Variants in CFAP92 observed in about 807,000 individuals in gnomAD.
CFAP92 encodes the protein uncharacterized protein CFAP92.
A neutral mutation model predicts 106.3 loss-of-function variants in CFAP92; 86 were observed. That is an observed-to-expected ratio of 0.81 (90% CI 0.68 to 0.97). The LOEUF (loss-of-function observed/expected upper bound fraction) is 0.97. Ranked by LOEUF, CFAP92 falls within the 50% of genes least tolerant of loss-of-function variation. The pLI, the probability that CFAP92 is intolerant of heterozygous loss-of-function variation, is 0.00. For missense variants in CFAP92, 1,204 were observed against 1,283.8 expected (o/e 0.94, Z 0.95); for synonymous variants, 477 against 506.4 (o/e 0.94, Z 0.78).
chr3:128,965,151 AGAAGG>A (rs1942276155), intron 9 of CFAP92, among the ~76,000 whole-genome samples: 1 of 152,140 alleles, frequency 6.6e-6, no homozygotes, highest in Non-Finnish European at 1.5e-5. Flanking sequence ...CCCACCCTTA[AGAAGG>A]TTCTTTGTAA....
At chr3:128,989,496 CA>C (rs1337742804) in intron 2 of CFAP92, among the ~76,000 whole-genome samples, 2 of 152,020 alleles carry the variant, frequency 1.3e-5, no homozygotes, top group Non-Finnish European at 2.9e-5. Context: ...ACAAAAATGT[CA>C]TGGGTGAAGC....
intron 10 of CFAP92, among the ~76,000 whole-genome samples, chr3:128,938,938 CAAA>C (rs1246187354): frequency 6.6e-6 from 1 of 152,142 alleles, no homozygotes; most frequent in Non-Finnish European, 1.5e-5. Flanking sequence ...AAAAACAAAA[CAAA>C]AACTCCTAGA....
intron 15 of CFAP92, among the ~76,000 whole-genome samples, chr3:128,911,034 T>C (rs963052319): frequency 1.3e-5 from 2 of 152,176 alleles, no homozygotes; most frequent in Non-Finnish European, 2.9e-5. Flanking sequence ...TGTATGTATA[T>C]ATGTGTGTGT....
intron 15 of CFAP92, among the ~76,000 whole-genome samples, chr3:128,914,268 G>T (rs1936630877): frequency 6.6e-6 from 1 of 152,170 alleles, no homozygotes. Context: ...CTCCTTGAGA[G>T]CCACAGCAGT....
chr3:128,999,485 G>T (rs1377582429), intron 1 of CFAP92, among the ~76,000 whole-genome samples: 1 of 150,804 alleles, frequency 6.6e-6, no homozygotes, highest in African/African-American at 2.4e-5. Flanking sequence ...TTGCACTCTT[G>T]CCTGGGCTAC....
the CFAP92 span, among the ~76,000 whole-genome samples, chr3:129,009,450 G>C: frequency 6.6e-6 from 1 of 152,292 alleles, no homozygotes; most frequent in Admixed American, 6.5e-5. Context: ...AAGACCATCT[G>C]TCATCTGAAC....
intron 1 of CFAP92, chr3:129,002,205 A>G (rs1944814856): frequency 2.0e-6 from 3 of 1,516,094 alleles, no homozygotes; most frequent in East Asian, 5.3e-5. Context: ...TGGCCCCGAC[A>G]GCGGTCCTGA....
chr3:128,920,586 G>C (rs1283069025), intron 12 of CFAP92, among the ~76,000 whole-genome samples: 3 of 152,108 alleles, frequency 2.0e-5, no homozygotes, highest in African/African-American at 7.2e-5. Flanking sequence ...GAAAAGCTGA[G>C]TGTTGGGAAA....
At chr3:129,001,836 G>A (rs1296636138) in intron 1 of CFAP92, 2 of 1,545,660 alleles carry the variant, frequency 1.3e-6, no homozygotes, top group South Asian at 2.4e-5. Flanking sequence ...GGACTGCCGC[G>A]GCGCCGGCCG....
intron 6 of CFAP92, among the ~76,000 whole-genome samples, chr3:128,976,254 C>T (rs1447653464): frequency 6.6e-6 from 1 of 152,008 alleles, no homozygotes; most frequent in Non-Finnish European, 1.5e-5. Flanking sequence ...TATAAAACAT[C>T]TAAGAATTCA....
At chr3:129,024,696 C>T in the CFAP92 span, among the ~76,000 whole-genome samples, 38 of 152,194 alleles carry the variant, frequency 2.5e-4, 1 homozygote, top group South Asian at 8.3e-4. Flanking sequence ...CAAACGCATT[C>T]CTGTATCTGG....
chr3:128,970,455 C>G (rs1942702720), intron 8 of CFAP92: 1 of 151,276 alleles, frequency 6.6e-6, no homozygotes, highest in Non-Finnish European at 1.5e-5. Flanking sequence ...CAGGAGAGGG[C>G]GCACAAGACA....
chr3:128,982,023 A>C (rs11915889), intron 4 of CFAP92, among the ~76,000 whole-genome samples: 47,413 of 152,084 alleles, frequency 0.31, 7,577 homozygotes, highest in East Asian at 0.56. Context: ...GGAATGGTCA[A>C]TGAGCATTGG....
At chr3:128,940,527 T>C (rs894687302) in intron 10 of CFAP92, among the ~76,000 whole-genome samples, 4 of 152,256 alleles carry the variant, frequency 2.6e-5, no homozygotes, top group African/African-American at 7.2e-5. Flanking sequence ...CTAATGAGTA[T>C]GAAATAGCAT....
intron 7 of CFAP92, among the ~76,000 whole-genome samples, chr3:128,974,844 A>G (rs1056617245): frequency 1.3e-5 from 2 of 150,394 alleles, no homozygotes; most frequent in Non-Finnish European, 3.0e-5. Flanking sequence ...AGAGAAGGCC[A>G]GGCGTGGTGG....
intron 12 of CFAP92, among the ~76,000 whole-genome samples, chr3:128,922,332 G>A (rs1213944319): frequency 6.6e-6 from 1 of 150,564 alleles, no homozygotes; most frequent in Admixed American, 6.6e-5. Context: ...AATAGAGCAA[G>A]GCTCCATCTC....
intron 10 of CFAP92, among the ~76,000 whole-genome samples, chr3:128,942,619 C>G (rs916564620): frequency 3.3e-5 from 5 of 152,180 alleles, no homozygotes; most frequent in Admixed American, 6.5e-5. Context: ...GAGCCAAGGG[C>G]AGAGCCCAGA....
Position 128,971,305 on chromosome 3 carries a change from C to G in CFAP92, c.1150G>C (p.Val384Leu). 2 of 1,613,730 alleles carry G rather than the reference C, an allele frequency of 1.2e-6. No individual in the cohort carries two copies. The highest frequency in any genetic ancestry group is 1.7e-6 in the Non-Finnish European group (2 of 1,179,812). The change falls in exon 8 of 16, where the codon GTC (valine) becomes CTC (leucine). Residue 384 changes from valine (V) to leucine (L), a missense_variant. By Grantham distance (32) the Val-to-Leu change is conservative (BLOSUM62 1). Coordinates refer to ENST00000645291, the MANE Select transcript of CFAP92 (RefSeq NM_001394090.1). ...TGGGTACCGGCAAGGAGCGGCATGA[C>G]GGCCAGCTGGATGGAGAAAGCGCTC... ...KQSAFSIQLAVMPLLAGWQTV... is the reference protein window; with the variant it reads ...KQSAFSIQLALMPLLAGWQTV...
At chr3:129,015,890 G>A in the CFAP92 span, among the ~76,000 whole-genome samples, 5 of 152,126 alleles carry the variant, frequency 3.3e-5, no homozygotes, top group African/African-American at 9.7e-5. Context: ...AAAGGAAGCC[G>A]CTGTGTGCGA....
Sources: allele counts gnomAD v4.1 joint callset (sites outside exome capture counted in the v4.1 genomes callset), GRCh38; gene constraint gnomAD v4.1.1; transcripts MANE v1.5; gene names NCBI Gene and HGNC (gene_info 2026-07-23, HGNC 2026-07-21).